Variants in LMF1 observed in about 807,000 individuals in gnomAD.
The protein encoded by LMF1 is lipase maturation factor 1, also known as transmembrane protein 112.
LMF1 carries 68 observed loss-of-function variants against 60.6 expected under a neutral mutation model. The ratio of observed to expected loss-of-function variants is 1.12; its 90% CI spans 0.92 to 1.37. The LOEUF is 1.37. Among genes scored for constraint, LMF1 ranks in the 40% most tolerant of loss-of-function variants. The probability of loss-of-function intolerance (pLI) is 0.00; values close to 1 mark genes in which losing one functional copy is unlikely to be tolerated. For synonymous variants in LMF1, 418 were observed against 324.7 expected, an observed-to-expected ratio of 1.29 and a Z score of -3.09; for missense variants, 948 against 767.2, an observed-to-expected ratio of 1.24 and a Z score of -2.78.
chr16:868,400 AGAG>A (rs1019893867), intron 10 of LMF1, among the ~76,000 whole-genome samples: 1 of 152,100 alleles, frequency 6.6e-6, no homozygotes, highest in African/African-American at 2.4e-5. Context: ...CCTGGTATGG[AGAG>A]GAGGGTGACT....
upstream of LMF1, among the ~76,000 whole-genome samples, chr16:971,329 C>A (rs1456031362): frequency 6.6e-6 from 1 of 152,240 alleles, no homozygotes. Context: ...GTGCCCTCCC[C>A]CAGCCAGGCG....
chr16:972,785 C>T (rs1265637397), upstream of LMF1, among the ~76,000 whole-genome samples: 1 of 152,246 alleles, frequency 6.6e-6, no homozygotes, highest in African/African-American at 2.4e-5. Flanking sequence ...TTCCAGCTTC[C>T]AGCGCTCCGG....
intron 5 of LMF1, among the ~76,000 whole-genome samples, chr16:883,482 CCAAA>C (rs1465942200): frequency 1.3e-5 from 2 of 152,316 alleles, no homozygotes; most frequent in East Asian, 1.9e-4. Context: ...AATCCAGAAG[CCAAA>C]CAGTGTTGAA....
At chr16:905,705 T>G (rs1305826780) in intron 4 of LMF1, among the ~76,000 whole-genome samples, 1 of 152,244 alleles carries the variant, frequency 6.6e-6, no homozygotes, top group African/African-American at 2.4e-5. Flanking sequence ...TCTCCTGATC[T>G]GTGCCTTGTC....
At chr16:875,937 CGT>C (rs980488240) in intron 6 of LMF1, among the ~76,000 whole-genome samples, 1 of 152,162 alleles carries the variant, frequency 6.6e-6, no homozygotes, top group Non-Finnish European at 1.5e-5. Flanking sequence ...AGGAGTCACC[CGT>C]GTGTGTGGCC....
rs930349814 is a variant in LMF1 at position 854,188 on chromosome 16, TGTA to T, written c.*341_*343del. 35 of 520,746 alleles carry T rather than the reference TGTA, an allele frequency of 6.7e-5. No homozygotes were observed. The highest frequency in any genetic ancestry group is 5.9e-4 in the African/African-American group (31 of 52,716). 32.3% of individuals were successfully genotyped at this position (520,746 alleles called of 1,614,324 possible). A position where few individuals can be genotyped will look rare whatever the true frequency, so the allele number is the denominator to read the frequency against. On this transcript the variant is annotated 3_prime_UTR_variant, in exon 11 of 11. Coordinates refer to ENST00000262301, the MANE Select transcript of LMF1 (RefSeq NM_022773.4). The stretch of plus-strand genomic sequence containing the variant: ...ACCTGGCTGGGTCTATGGTCAGGGC[TGTA>T]GTGGAGGAAGGTGTCAGGATGGCCA...
At chr16:918,441 T>C (rs2071338661) in intron 3 of LMF1, among the ~76,000 whole-genome samples, 1 of 152,238 alleles carries the variant, frequency 6.6e-6, no homozygotes. Context: ...CCACGGAAAT[T>C]AGACTTCGCG....
Position 954,549 on chromosome 16 carries a change from C to A in LMF1, c.311G>T (p.Trp104Leu). The A allele has an allele frequency of 1.2e-6, 2 of 1,613,274 alleles. No individual in the cohort carries two copies. Among genetic ancestry groups the A allele is most frequent in the Non-Finnish European group, 1.7e-6 (2 of 1,179,828 alleles). Residue 104 changes from tryptophan to leucine, a missense_variant, in exon 2 of 11, where the codon TGG (tryptophan) becomes TTG (leucine). Trp to Leu is a moderately conservative substitution (Grantham distance 61, BLOSUM62 -2). Coordinates refer to ENST00000262301, the MANE Select transcript of LMF1 (RefSeq NM_022773.4). The part of the protein sequence containing the change: ...FQQYFQDRTS[W>L]EVFSYMPTIL... ...GGTGGGCATGTAGCTGAAGACTTCC[C>A]AGCTCGTCCTGTCCTGGAAGTACTG...
At chr16:959,439 G>A (rs968953446) in intron 1 of LMF1, among the ~76,000 whole-genome samples, 6 of 152,154 alleles carry the variant, frequency 3.9e-5, no homozygotes, top group Non-Finnish European at 5.9e-5. Flanking sequence ...TCCCATGCAC[G>A]GGGGACTTGG....
At chr16:877,347 G>A (rs151303905) in intron 6 of LMF1, among the ~76,000 whole-genome samples, 17 of 152,314 alleles carry the variant, frequency 1.1e-4, no homozygotes, top group African/African-American at 3.9e-4. Context: ...GAAACTCTGC[G>A]TGTCCTACGG....
At chr16:949,005 AGAG>A in intron 2 of LMF1, among the ~76,000 whole-genome samples, 1 of 96,730 alleles carries the variant, frequency 1.0e-5, no homozygotes, top group African/African-American at 4.8e-5. Flanking sequence ...CGACAGAGTC[AGAG>A]CCAACGACAG....
intron 3 of LMF1, among the ~76,000 whole-genome samples, chr16:913,479 G>A (rs982691643): frequency 6.6e-5 from 10 of 152,232 alleles, no homozygotes; most frequent in African/African-American, 9.6e-5. Flanking sequence ...CGCCTCGCCC[G>A]GTGCACCCAT....
Position 966,715 on chromosome 16 carries a change from C to T in LMF1, c.193+4073G>A, listed in dbSNP as rs146618431. Among the ~76,000 whole-genome samples the T allele has an allele frequency of 1.1e-4, 16 of 152,304 alleles. No individual in the cohort carries two copies. The East Asian group carries it at 2.7e-3, about 26-fold the overall frequency. Reference sequence around the variant, plus strand: ...AAGGAATCCCATGTCAGCCTCAGGACGGCCCAGCGGTCACTCTCACCTCAT... The same window carrying T: ...AAGGAATCCCATGTCAGCCTCAGGATGGCCCAGCGGTCACTCTCACCTCAT... On this transcript the variant is annotated intron_variant, in intron 1 of 10. Transcript: ENST00000262301.
In LMF1 at chr16:890,429, C is replaced by T. The variant is rs541245615; in HGVS notation, c.729+2578G>A. On this transcript the variant is annotated intron_variant, in intron 5 of 10. Coordinates refer to ENST00000262301, the MANE Select transcript of LMF1 (RefSeq NM_022773.4). ...AGCTGGAAGGAGCCGGCCCGGCCCC[C>T]CGAGACAGCAGCTGCTGCCAGAGCC... 1.3e-4 allele frequency among the ~76,000 whole-genome samples: 20 copies of T among 152,344 alleles called. No individual in the cohort carries two copies. The South Asian group carries it at 3.7e-3, about 28-fold the overall frequency.
At chr16:911,538 G>GA (rs2071113780) in intron 3 of LMF1, among the ~76,000 whole-genome samples, 1 of 95,384 alleles carries the variant, frequency 1.0e-5, no homozygotes, top group Non-Finnish European at 2.0e-5. Context: ...AGCACTGGGG[G>GA]GGCAGCACTG....
intron 3 of LMF1, among the ~76,000 whole-genome samples, chr16:911,483 T>C (rs1455084703): frequency 1.3e-5 from 2 of 150,430 alleles, no homozygotes; most frequent in East Asian, 2.0e-4. Flanking sequence ...GCTTTCACCT[T>C]CTTCCCAGCC....
At chr16:963,450 G>A (rs1297590930) in intron 1 of LMF1, among the ~76,000 whole-genome samples, 1 of 152,074 alleles carries the variant, frequency 6.6e-6, no homozygotes, top group Non-Finnish European at 1.5e-5. Flanking sequence ...GTGCATGGAT[G>A]CCCTGTGTCC....
At chr16:868,693 C>G (rs986776354) in intron 10 of LMF1, among the ~76,000 whole-genome samples, 1 of 150,032 alleles carries the variant, frequency 6.7e-6, no homozygotes, top group Non-Finnish European at 1.5e-5. Flanking sequence ...CTGTCCTGGG[C>G]TCCTCTCACC....
At position 854,017 on chromosome 16, in the gene LMF1, G is replaced by A. The variant is rs551045227; in HGVS notation, c.*515C>T. The A allele has an allele frequency of 3.1e-5, 14 of 454,322 alleles. No individual in the cohort carries two copies. The highest frequency in any genetic ancestry group is 1.4e-4 in the African/African-American group (7 of 50,148). The allele number at this position is 454,322 out of a possible 1,614,324, so 28.1% of individuals were successfully genotyped here. On this transcript the variant is annotated 3_prime_UTR_variant, in exon 11 of 11. Transcript: ENST00000262301. ...GCCCATCCAACCCCACATCCTGGCC[G>A]GGCGTGTCCAGGTCCCTGTGGGGCG...
Sources: allele counts gnomAD v4.1 joint callset (sites outside exome capture counted in the v4.1 genomes callset), GRCh38; gene constraint gnomAD v4.1.1; transcripts MANE v1.5; gene names NCBI Gene and HGNC (gene_info 2026-07-23, HGNC 2026-07-21).